PCDHGA5: variants seen among roughly 807,000 people sequenced by gnomAD.
The protein encoded by PCDHGA5 is protocadherin gamma subfamily A, 5.
Under a neutral mutation model 56.7 loss-of-function variants are expected in PCDHGA5, and 36 were observed. The ratio of observed to expected loss-of-function variants is 0.64; its 90% CI spans 0.49 to 0.84. PCDHGA5 has a LOEUF of 0.84. Ranked by LOEUF, PCDHGA5 falls within the 40% of genes least tolerant of loss-of-function variation. The probability of loss-of-function intolerance (pLI) is 0.00; values close to 1 mark genes in which losing one functional copy is unlikely to be tolerated. For missense variants in PCDHGA5, 1,305 were observed against 1,201.5 expected (o/e 1.09, Z -1.27); for synonymous variants, 563 against 520.2 (o/e 1.08, Z -1.12).
chr5:141,385,351 T>C, intron 1 of PCDHGA5: 1 of 1,555,976 alleles, frequency 6.4e-7, no homozygotes, highest in Non-Finnish European at 8.7e-7. Flanking sequence ...TTTATTTCCA[T>C]GAGGAATTTA....
chr5:141,419,659 C>T (rs930108720), intron 1 of PCDHGA5: 2 of 1,612,608 alleles, frequency 1.2e-6, no homozygotes, highest in East Asian at 4.5e-5. Flanking sequence ...ACTCGGGGCA[C>T]AATGCCTGGC....
At position 141,493,512 on chromosome 5, in the gene PCDHGA5, C is replaced by A. The variant is rs1327850681; in HGVS notation, c.2422-1295C>A. The stretch of plus-strand genomic sequence containing the variant: ...CTGTGGCTCCTCATTTCTGAGCAGT[C>A]CCCGCAGCGCAAACTTGGCCAGTTA... On this transcript the variant is annotated intron_variant, in intron 1 of 3. Transcript: ENST00000518069. The surrounding 1 kb of genome is among the most constrained non-coding windows in gnomAD (Gnocchi z 4.3). Among the ~76,000 whole-genome samples the A allele has an allele frequency of 1.3e-5, 2 of 152,148 alleles. No individual in the cohort carries two copies. Among genetic ancestry groups the A allele is most frequent in the South Asian group, 4.1e-4 (2 of 4,824 alleles).
chr5:141,395,221 A>G, intron 1 of PCDHGA5: 1 of 1,611,672 alleles, frequency 6.2e-7, no homozygotes, highest in Non-Finnish European at 8.5e-7. Context: ...TATAAGAATG[A>G]AGCTGATCAT....
chr5:141,420,293 A>T (rs1478341095), intron 1 of PCDHGA5: 1 of 1,485,484 alleles, frequency 6.7e-7, no homozygotes, highest in Admixed American at 2.2e-5. Context: ...TTAAAAATGT[A>T]TTTAATCCTT....
intron 1 of PCDHGA5, chr5:141,478,808 T>A: frequency 3.4e-6 from 5 of 1,459,124 alleles, no homozygotes; most frequent in Non-Finnish European, 4.5e-6. Context: ...TCTTTTGCTA[T>A]CACAACTAAC....
Position 141,485,175 on chromosome 5 carries a change from T to C in PCDHGA5, c.2422-9632T>C, listed in dbSNP as rs2099608731. ...GTAGAGAATTAGCGGGCGGCAGCAA[T>C]GCTCCGCAAGGTGAGAAGCTGGACA... On this transcript the variant is annotated intron_variant, in intron 1 of 3. Coordinates refer to ENST00000518069, the MANE Select transcript of PCDHGA5 (RefSeq NM_018918.3). The surrounding 1 kb of genome is among the most constrained non-coding windows in gnomAD (Gnocchi z 5.7). 6.2e-7 allele frequency: 1 copy of C among 1,611,486 alleles called. No homozygotes were observed. Among genetic ancestry groups the C allele is most frequent in the Non-Finnish European group, 8.5e-7 (1 of 1,177,998 alleles).
chr5:141,385,483 A>T (rs981503954), intron 1 of PCDHGA5: 8 of 1,423,220 alleles, frequency 5.6e-6, no homozygotes, highest in Non-Finnish European at 7.3e-6. Context: ...TTAATATAGA[A>T]CACATAGGAT....
chr5:141,421,642 G>A, intron 1 of PCDHGA5: 1 of 1,613,850 alleles, frequency 6.2e-7, no homozygotes, highest in South Asian at 1.1e-5. Flanking sequence ...GGAGGACGAA[G>A]TGGAGATAAA....
chr5:141,375,766 G>T (rs754916018), intron 1 of PCDHGA5: 5 of 1,614,270 alleles, frequency 3.1e-6, no homozygotes, highest in Non-Finnish European at 4.2e-6. Flanking sequence ...ATGCGCCCGA[G>T]ATCCTGTACC....
intron 1 of PCDHGA5, among the ~76,000 whole-genome samples, chr5:141,481,161 A>G (rs2099532805): frequency 6.6e-6 from 1 of 152,230 alleles, no homozygotes; most frequent in African/African-American, 2.4e-5. Flanking sequence ...GTATTTGCAG[A>G]ACCAGAATCC....
chr5:141,364,856 C>G lies in PCDHGA5; in HGVS notation c.526C>G (p.Leu176Val), dbSNP rs748996283. The change falls in exon 1 of 4, where the codon CTG becomes GTG. Residue 176 changes from leucine to valine, a missense_variant. Physicochemically the swap from Leu to Val is conservative, Grantham distance 32. Coordinates refer to ENST00000518069, the MANE Select transcript of PCDHGA5 (RefSeq NM_018918.3). ...SLRSYQLSSN[L>V]HFSLDVVSGT... ...CCGGAGTTACCAGCTCAGCTCCAATCTGCACTTCTCTCTGGATGTGGTAAG... is the reference window on the plus strand; with the variant it reads ...CCGGAGTTACCAGCTCAGCTCCAATGTGCACTTCTCTCTGGATGTGGTAAG... 6.2e-7 allele frequency: 1 copy of G among 1,614,006 alleles called. No homozygotes were observed. Among genetic ancestry groups the G allele is most frequent in the Non-Finnish European group, 8.5e-7 (1 of 1,179,892 alleles).
At chr5:141,427,599 C>T (rs1233253295) in intron 1 of PCDHGA5, 3 of 682,980 alleles carry the variant, frequency 4.4e-6, no homozygotes, top group South Asian at 3.0e-5. Flanking sequence ...CCTCACCCTA[C>T]GCATTGGTGA....
At chr5:141,384,512 G>A (rs1780165876) in intron 1 of PCDHGA5, 1 of 1,614,062 alleles carries the variant, frequency 6.2e-7, no homozygotes, top group Admixed American at 1.7e-5. Context: ...CATGACAGCG[G>A]GGACCCGCCT....
intron 1 of PCDHGA5, among the ~76,000 whole-genome samples, chr5:141,481,913 CAAAAA>C (rs34114744): frequency 1.1e-5 from 1 of 90,852 alleles, no homozygotes; most frequent in Non-Finnish European, 2.2e-5. Flanking sequence ...AACTCCATCT[CAAAAA>C]AAAAAAAAAA....
intron 1 of PCDHGA5, chr5:141,399,825 C>T (rs1439243162): frequency 1.9e-6 from 3 of 1,613,178 alleles, no homozygotes; most frequent in Non-Finnish European, 2.5e-6. Flanking sequence ...TGGGTCCCGA[C>T]GGCTCTGCGC....
chr5:141,372,264 G>GGTGAGGTGC, intron 1 of PCDHGA5: 1 of 1,613,138 alleles, frequency 6.2e-7, no homozygotes, highest in Non-Finnish European at 8.5e-7. Flanking sequence ...CCTGCGCACG[G>GGTGAGGTGC]GTGAGGTGCG....
chr5:141,397,967 C>T (rs931333276), intron 1 of PCDHGA5: 2 of 1,110,472 alleles, frequency 1.8e-6, no homozygotes, highest in Non-Finnish European at 2.5e-6. Context: ...CTCAGACTCC[C>T]CAGCGCCGGC....
intron 1 of PCDHGA5, among the ~76,000 whole-genome samples, chr5:141,449,561 C>T (rs777459619): frequency 2.7e-4 from 39 of 147,008 alleles, no homozygotes; most frequent in Non-Finnish European, 4.6e-4. Flanking sequence ...TGCACTCCAG[C>T]CTGGGCGACA....
intron 1 of PCDHGA5, chr5:141,408,648 G>A: frequency 2.5e-6 from 4 of 1,613,922 alleles, no homozygotes; most frequent in South Asian, 2.2e-5. Flanking sequence ...GCATCCGCTG[G>A]TACACGACTA....
Sources: allele counts gnomAD v4.1 joint callset (sites outside exome capture counted in the v4.1 genomes callset), GRCh38; gene constraint gnomAD v4.1.1; non-coding constraint Gnocchi (gnomAD v3.1); transcripts MANE v1.5; gene names NCBI Gene and HGNC (gene_info 2026-07-23, HGNC 2026-07-21).